The following NFIA variants were observed in gnomAD, a reference collection of about 807,000 sequenced individuals.
The protein encoded by NFIA is nuclear factor 1 A-type.
Under a neutral mutation model 62.8 loss-of-function variants are expected in NFIA, and 8 were observed. That is an observed-to-expected ratio of 0.13 (90% CI 0.07 to 0.23). The LOEUF is 0.23. Ranked by LOEUF, NFIA falls within the 10% of genes least tolerant of loss-of-function variation. NFIA has a pLI of 1.00. For synonymous variants in NFIA, 235 were observed against 238.1 expected, an observed-to-expected ratio of 0.99 and a Z score of 0.12; for missense variants, 410 against 642.1, an observed-to-expected ratio of 0.64 and a Z score of 3.91.
At position 61,182,326 on chromosome 1, in the gene NFIA, C is replaced by T. The variant is rs567909907; in HGVS notation, c.559+93646C>T. 5.9e-5 allele frequency among the ~76,000 whole-genome samples: 9 copies of T among 152,256 alleles called. No individual in the cohort carries two copies. In the South Asian group the frequency reaches 1.9e-3, roughly 32 times the overall value. On this transcript the variant is annotated intron_variant, in intron 2 of 10. Coordinates refer to ENST00000403491, the MANE Select transcript of NFIA (RefSeq NM_001134673.4). Reference sequence around the variant, plus strand: ...GATCTCTTGGAAGCTGGACTTGATACTATAAGTCCTAGGCTTCTAAGGTCG... The same window carrying T: ...GATCTCTTGGAAGCTGGACTTGATATTATAAGTCCTAGGCTTCTAAGGTCG...
chr1:61,441,675 A>G (rs1321294091), intron 10 of NFIA, among the ~76,000 whole-genome samples: 1 of 152,332 alleles, frequency 6.6e-6, no homozygotes, highest in East Asian at 1.9e-4. Context: ...TATGAAATAT[A>G]GTGATAATGA....
At chr1:61,370,138 T>G (rs1456737533) in intron 6 of NFIA, among the ~76,000 whole-genome samples, 3 of 152,164 alleles carry the variant, frequency 2.0e-5, no homozygotes, top group Non-Finnish European at 4.4e-5. Flanking sequence ...GTGCAGCAGT[T>G]TCTCATGAGG....
chr1:61,365,580 G>A (rs1457356037), intron 6 of NFIA, among the ~76,000 whole-genome samples: 1 of 152,142 alleles, frequency 6.6e-6, no homozygotes, highest in Non-Finnish European at 1.5e-5. Context: ...TGCATGAAAA[G>A]GAATGGCTGG....
chr1:61,359,825 G>T (rs1663186752), intron 6 of NFIA, among the ~76,000 whole-genome samples: 1 of 152,044 alleles, frequency 6.6e-6, no homozygotes, highest in South Asian at 2.1e-4. Flanking sequence ...AAGAGACGGG[G>T]TTTCACCATG....
chr1:61,217,554 C>G (rs1653711995), intron 2 of NFIA, among the ~76,000 whole-genome samples: 2 of 152,102 alleles, frequency 1.3e-5, no homozygotes, highest in Non-Finnish European at 2.9e-5. Flanking sequence ...GCTTAATAAT[C>G]CATAGCAGAG....
intron 2 of NFIA, among the ~76,000 whole-genome samples, chr1:61,098,574 ATTG>A (rs1348246502): frequency 1.3e-5 from 2 of 152,184 alleles, no homozygotes; most frequent in Admixed American, 1.3e-4. Flanking sequence ...CAGCGTAACT[ATTG>A]TTGTGCATTC....
chr1:61,322,885 A>C (rs1279843964), intron 3 of NFIA, among the ~76,000 whole-genome samples: 1 of 152,208 alleles, frequency 6.6e-6, no homozygotes, highest in Non-Finnish European at 1.5e-5. Flanking sequence ...TGTGGTTGCC[A>C]TGTAATAGAC....
In NFIA at chr1:61,387,468, C is replaced by CTGTTTTT. The variant is rs1171901984; in HGVS notation, c.1075+4104_1075+4105insGTTTTTT. Among the ~76,000 whole-genome samples, 90 of 95,480 alleles carry CTGTTTTT rather than the reference C, an allele frequency of 9.4e-4. 1 individual carries two copies. The highest frequency in any genetic ancestry group is 3.5e-3 in the African/African-American group (86 of 24,302). 62.6% of individuals were successfully genotyped at this position (95,480 alleles called of 152,430 possible). A position where few individuals can be genotyped will look rare whatever the true frequency, so the allele number is the denominator to read the frequency against. On this transcript the variant is annotated intron_variant, in intron 7 of 10. Coordinates refer to ENST00000403491, the MANE Select transcript of NFIA (RefSeq NM_001134673.4). ...TCCCCCAGATCAGCTCAAGCACTTT[C>CTGTTTTT]TTTTTTTTTTTTTTTTTTTTTTTGA...
intron 2 of NFIA, among the ~76,000 whole-genome samples, chr1:61,272,893 C>T (rs184229825): frequency 1.4e-4 from 22 of 152,210 alleles, no homozygotes; most frequent in African/African-American, 5.1e-4. Context: ...TTCTTCATAC[C>T]GTCTTTTAAT....
At chr1:61,266,031 C>G (rs1323171861) in intron 2 of NFIA, among the ~76,000 whole-genome samples, 1 of 152,150 alleles carries the variant, frequency 6.6e-6, no homozygotes, top group Non-Finnish European at 1.5e-5. Context: ...TGAATGCAGC[C>G]GAAGACCAAC....
chr1:61,381,500 A>G (rs1320034750), intron 6 of NFIA, among the ~76,000 whole-genome samples: 1 of 152,196 alleles, frequency 6.6e-6, no homozygotes, highest in African/African-American at 2.4e-5. Flanking sequence ...AATTCAAATC[A>G]CATGGATGTT....
intron 2 of NFIA, among the ~76,000 whole-genome samples, chr1:61,179,090 C>A (rs901066977): frequency 1.3e-5 from 2 of 152,220 alleles, no homozygotes; most frequent in Admixed American, 6.5e-5. Flanking sequence ...AGCCCTGAGG[C>A]AGAGAGACTA....
intron 3 of NFIA, among the ~76,000 whole-genome samples, chr1:61,286,746 G>T (rs939167441): frequency 1.3e-5 from 2 of 152,140 alleles, no homozygotes; most frequent in East Asian, 3.9e-4. Flanking sequence ...CATTATAAAA[G>T]AAAATAAGGC....
chr1:61,312,025 G>C (rs951347731), intron 3 of NFIA, among the ~76,000 whole-genome samples: 1 of 152,196 alleles, frequency 6.6e-6, no homozygotes, highest in Admixed American at 6.5e-5. Context: ...GCCTTTACTG[G>C]GAACTGTGCT....
chr1:61,359,001 A>G (rs1453713961), intron 5 of NFIA, 146 bp from the exon 6 acceptor site: 1 of 1,123,552 alleles, frequency 8.9e-7, no homozygotes, highest in Non-Finnish European at 1.3e-6. Flanking sequence ...GACTCACCAG[A>G]CTGAACAGAA....
At chr1:61,326,793 G>C (rs76708895) in intron 3 of NFIA, among the ~76,000 whole-genome samples, 1 of 152,264 alleles carries the variant, frequency 6.6e-6, no homozygotes, top group African/African-American at 2.4e-5. Context: ...GACACTTTAG[G>C]AGGTGGTTAA....
intron 2 of NFIA, among the ~76,000 whole-genome samples, chr1:61,256,124 C>T (rs764854068): frequency 6.6e-6 from 1 of 151,932 alleles, no homozygotes; most frequent in Non-Finnish European, 1.5e-5. Context: ...AAACAAAAAT[C>T]GCAAAAAAAT....
chr1:61,197,183 C>T (rs1276290951), intron 2 of NFIA, among the ~76,000 whole-genome samples: 2 of 151,576 alleles, frequency 1.3e-5, no homozygotes, highest in Non-Finnish European at 2.9e-5. Flanking sequence ...CTCAGATTTC[C>T]CACAGAGTTG....
intron 2 of NFIA, among the ~76,000 whole-genome samples, chr1:61,108,587 A>T (rs1646643666): frequency 6.6e-6 from 1 of 151,662 alleles, no homozygotes. Context: ...TTCTCATTGC[A>T]CTGAGATCTG....
Sources: gnomAD v4.1 joint callset for allele counts (sites outside exome capture counted in the v4.1 genomes callset) on GRCh38, gnomAD v4.1.1 for gene constraint, MANE v1.5 for transcripts, NCBI Gene and HGNC (gene_info 2026-07-23, HGNC 2026-07-21) for gene names.